Variants in CDKL4 observed in about 807,000 individuals in gnomAD.
CDKL4 encodes cyclin-dependent kinase-like 4.
Under a neutral mutation model 42.0 loss-of-function variants are expected in CDKL4, and 44 were observed. The ratio of observed to expected loss-of-function variants is 1.05; its 90% CI spans 0.82 to 1.35. The LOEUF (loss-of-function observed/expected upper bound fraction) is 1.35. Ranked by LOEUF, CDKL4 falls within the 40% of genes most tolerant of loss-of-function variation. The probability of loss-of-function intolerance (pLI) is 0.00; values close to 1 mark genes in which losing one functional copy is unlikely to be tolerated. For synonymous variants in CDKL4, 120 were observed against 121.6 expected (o/e 0.99, Z 0.09); for missense variants, 393 against 369.9 (o/e 1.06, Z -0.51).
chr2:39,224,036 A>G (rs763688669), intron 3 of CDKL4, among the ~76,000 whole-genome samples: 3 of 152,164 alleles, frequency 2.0e-5, no homozygotes, highest in African/African-American at 4.8e-5. Flanking sequence ...GTTTTTTTTG[A>G]ATAAATATAT....
exon 10 of CDKL4, chr2:39,176,048 C>G (rs961050973): frequency 2.1e-5 from 10 of 470,760 alleles, no homozygotes; most frequent in African/African-American, 2.0e-4. Flanking sequence ...TTTCTTCCAT[C>G]AGGTGTGGGG....
At chr2:39,226,447 A>ATATATATATTATATATAT (rs1421984022) in intron 2 of CDKL4, among the ~76,000 whole-genome samples, 28,075 of 134,880 alleles carry the variant, frequency 0.21, 4,073 homozygotes, top group Non-Finnish European at 0.31. Context: ...TATATATATT[A>ATATATATATTATATATAT]TATATATATT....
intron 3 of CDKL4, among the ~76,000 whole-genome samples, chr2:39,217,061 T>A (rs573585917): frequency 6.6e-6 from 1 of 152,086 alleles, no homozygotes; most frequent in East Asian, 1.9e-4. Context: ...AAGATAACCA[T>A]CAAAGAGAGT....
chr2:39,196,198 A>G (rs1281002130), intron 5 of CDKL4, among the ~76,000 whole-genome samples: 1 of 152,204 alleles, frequency 6.6e-6, no homozygotes, highest in East Asian at 1.9e-4. Flanking sequence ...CAAAAATACA[A>G]CCAAGTCAAC....
chr2:39,213,551 T>C (rs896067001), intron 3 of CDKL4, 79 bp from the exon 4 acceptor site: 1 of 914,168 alleles, frequency 1.1e-6, no homozygotes, highest in Non-Finnish European at 1.8e-6. Context: ...AGAAGTGGAG[T>C]GGTGAGGGAC....
intron 1 of CDKL4, among the ~76,000 whole-genome samples, chr2:39,230,170 G>C (rs1408892107): frequency 6.6e-6 from 1 of 152,184 alleles, no homozygotes; most frequent in Non-Finnish European, 1.5e-5. Context: ...ACCTGAGGTT[G>C]GGAGTTCAAG....
the CDKL4 span, among the ~76,000 whole-genome samples, chr2:39,169,495 G>A: frequency 2.6e-5 from 4 of 152,078 alleles, no homozygotes; most frequent in Non-Finnish European, 5.9e-5. Flanking sequence ...ATTTTATCTT[G>A]GTGTTGTTAA....
At chr2:39,214,069 C>A (rs143833533) in intron 3 of CDKL4, among the ~76,000 whole-genome samples, 3 of 151,942 alleles carry the variant, frequency 2.0e-5, no homozygotes, top group South Asian at 4.2e-4. Context: ...ATTACAGGCA[C>A]GTGCCACGAT....
chr2:39,204,740 CT>C (rs1677061419), intron 4 of CDKL4, 123 bp from the exon 5 acceptor site: 2 of 471,088 alleles, frequency 4.2e-6, no homozygotes, highest in Non-Finnish European at 7.3e-6. Flanking sequence ...GCTTCCTTCA[CT>C]TTTCTAAAAG....
In CDKL4 at chr2:39,191,441, C is replaced by T. The variant is rs185059522; in HGVS notation, c.455-939G>A. On this transcript the variant is annotated intron_variant, in intron 5 of 9. Coordinates refer to ENST00000451199, the Ensembl canonical transcript of CDKL4. Reference sequence around the variant, plus strand: ...TAGGATAGAGACATGGAAGGGGCCTCTCCTAGAGCCTTTAGAGGGAATGTG... The same window carrying T: ...TAGGATAGAGACATGGAAGGGGCCTTTCCTAGAGCCTTTAGAGGGAATGTG... Among the ~76,000 whole-genome samples the T allele has an allele frequency of 2.7e-3, 408 of 152,234 alleles. 4 individuals are homozygous for T. The highest frequency in any genetic ancestry group is 4.6e-3 in the Admixed American group (71 of 15,278).
At chr2:39,172,241 G>T (rs751023752), downstream of CDKL4, among the ~76,000 whole-genome samples, 1 of 151,902 alleles carries the variant, frequency 6.6e-6, no homozygotes, top group Non-Finnish European at 1.5e-5. Flanking sequence ...GACCCCGGGA[G>T]GCAGAGGTTG....
chr2:39,242,026 G>C lies in CDKL4; in HGVS notation c.-57+1845C>G, dbSNP rs373750797. On this transcript the variant is annotated intron_variant, in intron 1 of 9. Transcript: ENST00000451199. ...AAGTAGATTCAGTTGGTTGAAAATA[G>C]TTTTCTTTTTCTTTTTCCTTTTTTT... Among the ~76,000 whole-genome samples the C allele has an allele frequency of 1.4e-3, 217 of 150,806 alleles. 1 individual carries two copies. The highest frequency in any genetic ancestry group is 5.0e-3 in the African/African-American group (204 of 41,170).
intron 9 of CDKL4, among the ~76,000 whole-genome samples, chr2:39,176,865 C>A (rs1192437333): frequency 1.3e-5 from 2 of 152,190 alleles, no homozygotes; most frequent in Admixed American, 1.3e-4. Context: ...CATTTATTTT[C>A]TGACATGGTA....
chr2:39,197,879 GA>G (rs1264444611), intron 5 of CDKL4, among the ~76,000 whole-genome samples: 1 of 149,852 alleles, frequency 6.7e-6, no homozygotes, highest in African/African-American at 2.5e-5. Context: ...CACCAAAATA[GA>G]ATCTCCTTAA....
intron 6 of CDKL4, among the ~76,000 whole-genome samples, chr2:39,188,268 A>G (rs1675948690): frequency 6.6e-6 from 1 of 151,838 alleles, no homozygotes; most frequent in South Asian, 2.1e-4. Context: ...TTCAGCCTCC[A>G]TCAAAAGGTG....
Position 39,208,188 on chromosome 2 carries a change from G to A in CDKL4, c.364-3571C>T, listed in dbSNP as rs181471536. ...AAACAGGGCATGGGGGGAAGAAGAT[G>A]CTTAGACATACAGCATTCACCTACT... On this transcript the variant is annotated intron_variant, in intron 4 of 9. Transcript: ENST00000451199. Among the ~76,000 whole-genome samples the A allele has an allele frequency of 4.1e-3, 627 of 151,610 alleles. 7 individuals carry two copies. Among genetic ancestry groups the A allele is most frequent in the African/African-American group, 0.014 (592 of 40,968 alleles).
At chr2:39,244,611 T>C (rs1679829328), upstream of CDKL4, among the ~76,000 whole-genome samples, 1 of 152,100 alleles carries the variant, frequency 6.6e-6, no homozygotes, top group Admixed American at 6.5e-5. Flanking sequence ...TGCCACCCCC[T>C]GCTCCACGGC....
chr2:39,226,456 T>TTATATATATTATATATAA (rs1678738947), intron 2 of CDKL4, among the ~76,000 whole-genome samples: 1 of 137,440 alleles, frequency 7.3e-6, no homozygotes, highest in Non-Finnish European at 1.5e-5. Flanking sequence ...TATATATATA[T>TTATATATATTATATATAA]TATATATATT....
intron 2 of CDKL4, among the ~76,000 whole-genome samples, chr2:39,227,985 A>G (rs946137545): frequency 1.3e-5 from 2 of 152,226 alleles, no homozygotes; most frequent in Non-Finnish European, 2.9e-5. Context: ...CAGGACCTAC[A>G]TGGACACAAC....
Sources: gnomAD v4.1 joint callset for allele counts (sites outside exome capture counted in the v4.1 genomes callset) on GRCh38, gnomAD v4.1.1 for gene constraint, MANE v1.5 for transcripts, NCBI Gene and HGNC (gene_info 2026-07-23, HGNC 2026-07-21) for gene names.